MYO1E: variants seen among roughly 807,000 people sequenced by gnomAD.
The protein encoded by MYO1E is unconventional myosin-Ie.
A neutral mutation model predicts 151.1 loss-of-function variants in MYO1E; 68 were observed. That is an observed-to-expected ratio of 0.45 (90% confidence interval 0.37 to 0.55). MYO1E has a LOEUF of 0.55. MYO1E is among the 20% of genes least tolerant of loss of function. MYO1E has a pLI of 0.00. For synonymous variants in MYO1E, 601 were observed against 501.7 expected, an observed-to-expected ratio of 1.20 and a Z score of -2.64; for missense variants, 1,363 against 1,389.3, an observed-to-expected ratio of 0.98 and a Z score of 0.30.
chr15:59,202,256 G>A lies in MYO1E; in HGVS notation c.1698+70C>T, dbSNP rs931058654. ...TCACTGACCTCATCCTGGCCCAGGG[G>A]TGCAGTTCCTTACTCCTAGAAAGCG... On this transcript the variant is annotated intron_variant, in intron 16 of 27. Coordinates refer to ENST00000288235, the MANE Select transcript of MYO1E (RefSeq NM_004998.4). 4.6e-5 allele frequency: 62 copies of A among 1,349,626 alleles called. No individual in the cohort carries two copies. The African/African-American group carries it at 6.5e-4, about 14-fold the overall frequency. 83.6% of individuals were successfully genotyped at this position (1,349,626 alleles called of 1,614,324 possible).
chr15:59,202,470 C>G (rs1159505157), intron 15 of MYO1E, 63 bp from the exon 16 acceptor site: 2 of 1,503,790 alleles, frequency 1.3e-6, no homozygotes, highest in African/African-American at 2.8e-5. Context: ...GAAAGCCTGC[C>G]TTTCTAGAGG....
chr15:59,152,677 G>T (rs887535726), intron 26 of MYO1E, among the ~76,000 whole-genome samples: 1 of 152,186 alleles, frequency 6.6e-6, no homozygotes, highest in South Asian at 2.1e-4. Flanking sequence ...CAAGTTTGCT[G>T]CAAGTTTGAT....
intron 1 of MYO1E, among the ~76,000 whole-genome samples, chr15:59,349,736 G>C (rs2080813705): frequency 6.6e-6 from 1 of 152,272 alleles, no homozygotes; most frequent in East Asian, 1.9e-4. Context: ...AAAGTTTGAG[G>C]CTGAGCAGGT....
intron 1 of MYO1E, among the ~76,000 whole-genome samples, chr15:59,340,001 C>T (rs1453296397): frequency 1.3e-5 from 2 of 152,052 alleles, no homozygotes; most frequent in Non-Finnish European, 2.9e-5. Flanking sequence ...GTGTCCGCTA[C>T]CACATCTGGC....
At chr15:59,225,058 G>T (rs1373840126) in intron 7 of MYO1E, among the ~76,000 whole-genome samples, 2 of 152,192 alleles carry the variant, frequency 1.3e-5, no homozygotes, top group African/African-American at 4.8e-5. Context: ...CCACTGAAAG[G>T]AACTGGACTG....
intron 1 of MYO1E, among the ~76,000 whole-genome samples, chr15:59,303,571 GATAA>G (rs1216926379): frequency 7.4e-4 from 113 of 152,174 alleles, no homozygotes; most frequent in Middle Eastern, 3.4e-3. Context: ...AATTAAAAAA[GATAA>G]ATAAATAGAT....
chr15:59,305,344 C>T (rs1487053024), intron 1 of MYO1E, among the ~76,000 whole-genome samples: 7 of 152,088 alleles, frequency 4.6e-5, no homozygotes, highest in African/African-American at 1.7e-4. Context: ...CAAGCACACA[C>T]CACCATGCCC....
At chr15:59,272,473 A>G in intron 1 of MYO1E, 24 bp from the exon 2 acceptor site, 5 of 1,613,202 alleles carry the variant, frequency 3.1e-6, no homozygotes, top group Non-Finnish European at 4.2e-6. Context: ...ACATACAATT[A>G]CTAGGATAGT....
chr15:59,353,112 T>C (rs1290463569), intron 1 of MYO1E, among the ~76,000 whole-genome samples: 2 of 152,144 alleles, frequency 1.3e-5, no homozygotes, highest in Non-Finnish European at 2.9e-5. Context: ...TTCTCAAAAG[T>C]TGGATCCCAC....
chr15:59,199,663 A>G (rs2079788908), intron 16 of MYO1E, among the ~76,000 whole-genome samples: 1 of 152,204 alleles, frequency 6.6e-6, no homozygotes, highest in South Asian at 2.1e-4. Flanking sequence ...TCTATTAGTT[A>G]AATCCTACAA....
At chr15:59,179,475 T>G (rs186495170) in intron 18 of MYO1E, among the ~76,000 whole-genome samples, 1 of 152,166 alleles carries the variant, frequency 6.6e-6, no homozygotes, top group Non-Finnish European at 1.5e-5. Flanking sequence ...ACAGCAGTCA[T>G]AATGAACATT....
At chr15:59,148,407 G>C (rs530712535) in intron 26 of MYO1E, among the ~76,000 whole-genome samples, 1 of 152,182 alleles carries the variant, frequency 6.6e-6, no homozygotes, top group South Asian at 2.1e-4. Context: ...GGGGGAGCTA[G>C]GATTAAGCTT....
intron 7 of MYO1E, among the ~76,000 whole-genome samples, chr15:59,227,026 C>T (rs766224485): frequency 1.2e-4 from 18 of 152,332 alleles, no homozygotes; most frequent in Non-Finnish European, 2.1e-4. Context: ...TGCAGGCAGG[C>T]TGAGGCCGGG....
At chr15:59,217,741 T>C (rs1189265479) in intron 10 of MYO1E, 150 bp downstream of exon 10, 17 of 865,314 alleles carry the variant, frequency 2.0e-5, no homozygotes, top group Non-Finnish European at 3.0e-5. Flanking sequence ...TTGCAGAGGC[T>C]GGTCTCAAAC....
chr15:59,266,455 G>T (rs889471961), intron 2 of MYO1E, among the ~76,000 whole-genome samples: 5 of 152,104 alleles, frequency 3.3e-5, no homozygotes, highest in Admixed American at 6.5e-5. Flanking sequence ...CCTGCCCGTG[G>T]ATCTATCAGT....
chr15:59,303,569 AAG>A (rs112202219), intron 1 of MYO1E, among the ~76,000 whole-genome samples: 5 of 152,306 alleles, frequency 3.3e-5, no homozygotes, highest in African/African-American at 1.2e-4. Context: ...GAAATTAAAA[AAG>A]ATAAATAAAT....
intron 2 of MYO1E, among the ~76,000 whole-genome samples, chr15:59,271,875 G>T (rs917383104): frequency 6.6e-6 from 1 of 152,222 alleles, no homozygotes. Context: ...CCACGTGCAT[G>T]ACTAGAGCAT....
intron 26 of MYO1E, among the ~76,000 whole-genome samples, chr15:59,147,778 C>G (rs1422992872): frequency 1.3e-5 from 2 of 152,068 alleles, no homozygotes; most frequent in Non-Finnish European, 2.9e-5. Flanking sequence ...CCACGGAGAA[C>G]AGGCACAGCT....
intron 16 of MYO1E, among the ~76,000 whole-genome samples, chr15:59,200,277 C>A (rs1194406494): frequency 6.6e-6 from 1 of 152,152 alleles, no homozygotes; most frequent in Non-Finnish European, 1.5e-5. Flanking sequence ...ACTCGATTTT[C>A]CAGCCCAGAG....
Sources: gnomAD v4.1 joint callset for allele counts (sites outside exome capture counted in the v4.1 genomes callset) on GRCh38, gnomAD v4.1.1 for gene constraint, MANE v1.5 for transcripts, NCBI Gene and HGNC (gene_info 2026-07-23, HGNC 2026-07-21) for gene names.